Variants in GRM7 observed in about 807,000 individuals in gnomAD.
GRM7 encodes the protein glutamate metabotropic receptor 7, also known as metabotropic glutamate receptor 7.
In GRM7, 35 loss-of-function variants were observed where a neutral mutation model predicts 84.5. That is an observed-to-expected ratio of 0.41 (90% CI 0.32 to 0.55). The LOEUF is 0.55. GRM7 is among the 20% of genes least tolerant of loss of function. The probability of loss-of-function intolerance (pLI) is 0.19; values close to 1 mark genes in which losing one functional copy is unlikely to be tolerated. For missense variants in GRM7, 1,003 were observed against 1,194.6 expected (o/e 0.84, Z 2.36); for synonymous variants, 487 against 455.1 (o/e 1.07, Z -0.89).
intron 1 of GRM7, among the ~76,000 whole-genome samples, chr3:7,000,822 A>T (rs1694988457): frequency 1.3e-5 from 2 of 152,208 alleles, no homozygotes; most frequent in Non-Finnish European, 2.9e-5. Flanking sequence ...AACACGGTGT[A>T]TGTCATCTCT....
intron 1 of GRM7, among the ~76,000 whole-genome samples, chr3:7,058,182 C>G (rs991816524): frequency 6.6e-6 from 1 of 151,752 alleles, no homozygotes; most frequent in African/African-American, 2.4e-5. Flanking sequence ...TCTAGGCTAC[C>G]TATAGTTCTA....
intron 4 of GRM7, among the ~76,000 whole-genome samples, chr3:7,410,185 G>T (rs1695864992): frequency 6.6e-6 from 1 of 152,102 alleles, no homozygotes; most frequent in African/African-American, 2.4e-5. Flanking sequence ...ACATGGAGTT[G>T]GGGTTCGGTG....
At chr3:7,436,546 C>G (rs148009011) in intron 5 of GRM7, among the ~76,000 whole-genome samples, 7 of 152,160 alleles carry the variant, frequency 4.6e-5, no homozygotes, top group African/African-American at 1.7e-4. Context: ...TATATAACAA[C>G]TAATGCTACA....
chr3:6,902,061 T>G (rs1475383572), intron 1 of GRM7, among the ~76,000 whole-genome samples: 1 of 152,186 alleles, frequency 6.6e-6, no homozygotes, highest in Non-Finnish European at 1.5e-5. Flanking sequence ...AATTTTTATA[T>G]GAAAAGACAA....
intron 4 of GRM7, among the ~76,000 whole-genome samples, chr3:7,343,615 A>AG (rs1692753654): frequency 6.6e-6 from 1 of 152,174 alleles, no homozygotes; most frequent in African/African-American, 2.4e-5. Flanking sequence ...TGCTCAGAAA[A>AG]GCCAACACTT....
At chr3:7,423,574 C>T (rs1326353997) in intron 5 of GRM7, among the ~76,000 whole-genome samples, 1 of 151,462 alleles carries the variant, frequency 6.6e-6, no homozygotes, top group Non-Finnish European at 1.5e-5. Flanking sequence ...TATCAAGTAT[C>T]ATCAAGCAAG....
At chr3:7,527,733 T>A (rs1333033162) in intron 7 of GRM7, among the ~76,000 whole-genome samples, 1 of 152,078 alleles carries the variant, frequency 6.6e-6, no homozygotes, top group African/African-American at 2.4e-5. Flanking sequence ...GCTTTTATCA[T>A]GAAAAGATGT....
intron 8 of GRM7, among the ~76,000 whole-genome samples, chr3:7,622,446 G>C (rs1697401729): frequency 6.6e-6 from 1 of 152,078 alleles, no homozygotes; most frequent in South Asian, 2.1e-4. Context: ...GAGTGAAATA[G>C]ACATGGCCCT....
At chr3:7,590,760 T>C (rs895547462) in intron 8 of GRM7, among the ~76,000 whole-genome samples, 1 of 152,130 alleles carries the variant, frequency 6.6e-6, no homozygotes, top group African/African-American at 2.4e-5. Context: ...TACAGACACA[T>C]ATCATGGCTT....
intron 8 of GRM7, among the ~76,000 whole-genome samples, chr3:7,640,209 C>G (rs571637228): frequency 6.6e-6 from 1 of 152,150 alleles, no homozygotes; most frequent in Non-Finnish European, 1.5e-5. Flanking sequence ...TCATTCTTAG[C>G]TCACTAGATG....
At chr3:7,258,579 T>G (rs1311527373) in intron 2 of GRM7, among the ~76,000 whole-genome samples, 1 of 152,204 alleles carries the variant, frequency 6.6e-6, no homozygotes, top group Non-Finnish European at 1.5e-5. Context: ...AAGCCAGAAA[T>G]CTTGATTCTT....
At chr3:7,734,209 C>A in intron 9 of GRM7, among the ~76,000 whole-genome samples, 1 of 138,458 alleles carries the variant, frequency 7.2e-6, no homozygotes. Flanking sequence ...CTCCCTTATT[C>A]ACCATTAGGA....
chr3:7,346,269 A>G (rs145474163), intron 4 of GRM7, among the ~76,000 whole-genome samples: 1 of 152,254 alleles, frequency 6.6e-6, no homozygotes, highest in African/African-American at 2.4e-5. Context: ...CCAGCTCACC[A>G]ATTTGATGTG....
chr3:7,697,220 T>A (rs1201523825), intron 9 of GRM7, among the ~76,000 whole-genome samples: 2 of 152,194 alleles, frequency 1.3e-5, no homozygotes, highest in African/African-American at 4.8e-5. Context: ...ATATACCTAA[T>A]TTTTAAAAAT....
At chr3:7,005,601 A>G (rs995652941) in intron 1 of GRM7, among the ~76,000 whole-genome samples, 1 of 152,216 alleles carries the variant, frequency 6.6e-6, no homozygotes, top group Non-Finnish European at 1.5e-5. Flanking sequence ...TTGGCTCATC[A>G]TGAAACTCCT....
In GRM7 at chr3:7,705,403, G is replaced by A. The variant is rs150863854; in HGVS notation, c.2698+25108G>A. Among the ~76,000 whole-genome samples the A allele has an allele frequency of 5.2e-3, 796 of 152,214 alleles. 13 individuals carry two copies. The highest frequency in any genetic ancestry group is 0.018 in the African/African-American group (754 of 41,522). On this transcript the variant is annotated intron_variant, in intron 9 of 9. Coordinates refer to ENST00000357716, the MANE Select transcript of GRM7 (RefSeq NM_000844.4). ...CCTACCTGCATCAAAATGGCATGAG[G>A]TCATTGTGAAAAGTGCAGGACTATG...
Position 6,861,681 on chromosome 3 carries a change from A to G in GRM7, c.293A>G (p.Asn98Ser). Residue 98 changes from asparagine (N) to serine (S), a missense_variant, in exon 1 of 10, where the codon AAC becomes AGC. Asn to Ser is a conservative substitution (Grantham distance 46). This residue lies in a region of GRM7 where 910 missense variants were observed against 1,126.0 expected (regional missense o/e 0.81). Coordinates refer to ENST00000357716, the MANE Select transcript of GRM7 (RefSeq NM_000844.4). The surrounding 1 kb of genome is among the most constrained non-coding windows in gnomAD (Gnocchi z 6.4). ...QINSDPNLLPNVTLGARILDT... is the reference protein window; with the variant it reads ...QINSDPNLLPSVTLGARILDT... ...AACAGTGATCCCAACCTACTGCCCA[A>G]CGTGACGCTGGGCGCGCGGATCCTG... 1.9e-6 allele frequency: 3 copies of G among 1,614,070 alleles called. No homozygotes were observed. The highest frequency in any genetic ancestry group is 2.5e-6 in the Non-Finnish European group (3 of 1,179,958).
At position 7,110,664 on chromosome 3, in the gene GRM7, A is replaced by C. The variant is rs192865500; in HGVS notation, c.520-35788A>C. 9.4e-4 allele frequency among the ~76,000 whole-genome samples: 116 copies of C among 123,336 alleles called. 3 individuals carry two copies. The East Asian group carries it at 0.027, about 29-fold the overall frequency. 80.9% of individuals were successfully genotyped at this position (123,336 alleles called of 152,430 possible). ...TTGCTAGAGGTGCCTTCCCAGTCTA[A>C]GTCCTTTGGCATTCATTTCCATTCA... On this transcript the variant is annotated intron_variant, in intron 1 of 9. Coordinates refer to ENST00000357716, the MANE Select transcript of GRM7 (RefSeq NM_000844.4).
chr3:7,273,564 G>A (rs1698945529), intron 2 of GRM7, among the ~76,000 whole-genome samples: 1 of 152,108 alleles, frequency 6.6e-6, no homozygotes. Context: ...ATTATGTATT[G>A]TTATGTCTTT....
Sources: allele counts gnomAD v4.1 joint callset (sites outside exome capture counted in the v4.1 genomes callset), GRCh38; gene constraint gnomAD v4.1.1; regional missense constraint gnomAD v4.1.1; non-coding constraint Gnocchi (gnomAD v3.1); transcripts MANE v1.5; gene names NCBI Gene and HGNC (gene_info 2026-07-23, HGNC 2026-07-21).